The following SEPTIN7 variants were observed in gnomAD, a reference collection of about 807,000 sequenced individuals.
The protein encoded by SEPTIN7 is septin-7.
SEPTIN7 carries 10 observed loss-of-function variants against 63.3 expected under a neutral mutation model. The observed-to-expected ratio is 0.16, with a 90% CI of 0.10 to 0.27. SEPTIN7 has a LOEUF of 0.27. Among genes scored for constraint, SEPTIN7 ranks in the 10% least tolerant of loss-of-function variants. The probability of loss-of-function intolerance (pLI) is 1.00; values close to 1 mark genes in which losing one functional copy is unlikely to be tolerated. For synonymous variants in SEPTIN7, 131 were observed against 165.3 expected (o/e 0.79, Z 1.59); for missense variants, 310 against 521.0 (o/e 0.59, Z 3.94).
chr7:35,832,061 T>C (rs1288679678), intron 2 of SEPTIN7: 1 of 453,150 alleles, frequency 2.2e-6, no homozygotes, highest in South Asian at 1.6e-5. Flanking sequence ...ACTTATTTAC[T>C]ACACCAATTT....
At chr7:35,830,142 C>A (rs1783758993) in intron 1 of SEPTIN7, among the ~76,000 whole-genome samples, 1 of 151,552 alleles carries the variant, frequency 6.6e-6, no homozygotes, top group Non-Finnish European at 1.5e-5. Flanking sequence ...GAGATCGCGC[C>A]ACTGCCCCCC....
intron 11 of SEPTIN7, among the ~76,000 whole-genome samples, chr7:35,895,322 A>C (rs1048223160): frequency 2.0e-5 from 3 of 152,190 alleles, no homozygotes; most frequent in African/African-American, 7.2e-5. Flanking sequence ...TGTTAATATA[A>C]AAATTAAAAA....
chr7:35,867,234 A>G (rs1299696587), intron 4 of SEPTIN7, among the ~76,000 whole-genome samples: 1 of 152,240 alleles, frequency 6.6e-6, no homozygotes, highest in Non-Finnish European at 1.5e-5. Flanking sequence ...ATGTTTCAGT[A>G]TCAAATATAG....
At chr7:35,907,723 G>C (rs1383618922), downstream of SEPTIN7, among the ~76,000 whole-genome samples, 1 of 152,192 alleles carries the variant, frequency 6.6e-6, no homozygotes, top group Non-Finnish European at 1.5e-5. Flanking sequence ...CTGATTAAGA[G>C]GGGCAGCTGG....
intron 3 of SEPTIN7, chr7:35,846,956 A>G (rs1784702129): frequency 6.6e-6 from 1 of 152,628 alleles, no homozygotes; most frequent in South Asian, 2.1e-4. Context: ...TGACATTTAA[A>G]GGAGATTTCT....
In SEPTIN7 at chr7:35,902,929, C is replaced by G. The variant is rs1434325863; in HGVS notation, c.1135-147C>G. 8.0e-5 allele frequency: 97 copies of G among 1,216,174 alleles called. No individual in the cohort carries two copies. The South Asian group carries it at 2.7e-3, about 34-fold the overall frequency. 75.3% of individuals were successfully genotyped at this position (1,216,174 alleles called of 1,614,324 possible). A position where few individuals can be genotyped will look rare whatever the true frequency, so the allele number is the denominator to read the frequency against. ...TCCTAAAGGAGGAGGAGTCCTTGAC[C>G]AGAGTACTTCCAGGTAGTACTCTGA... On this transcript the variant is annotated intron_variant, in intron 12 of 13. Coordinates refer to ENST00000350320, the MANE Select transcript of SEPTIN7 (RefSeq NM_001788.6).
At chr7:35,890,563 T>G in intron 10 of SEPTIN7, 105 bp from the exon 11 acceptor site, 1 of 1,008,286 alleles carries the variant, frequency 9.9e-7, no homozygotes, top group South Asian at 3.7e-5. Context: ...ATTTTAAATC[T>G]GAAATTTTTG....
At chr7:35,864,514 T>C (rs1184064056) in intron 4 of SEPTIN7, among the ~76,000 whole-genome samples, 1 of 152,114 alleles carries the variant, frequency 6.6e-6, no homozygotes, top group East Asian at 1.9e-4. Flanking sequence ...GTTCTGCAAA[T>C]ATAAAATATA....
At chr7:35,915,662 C>A in the SEPTIN7 span, among the ~76,000 whole-genome samples, 1 of 152,234 alleles carries the variant, frequency 6.6e-6, no homozygotes, top group Non-Finnish European at 1.5e-5. Context: ...GCTTCCTGTC[C>A]TGGCCATCCA....
chr7:35,913,544 TTTCC>T, the SEPTIN7 span, among the ~76,000 whole-genome samples: 374 of 148,600 alleles, frequency 2.5e-3, 2 homozygotes, highest in Admixed American at 4.0e-3. Context: ...TCCTTCCTTC[TTTCC>T]TTCCTTCCTT....
chr7:35,836,251 T>C (rs1478596882), intron 3 of SEPTIN7, among the ~76,000 whole-genome samples: 1 of 152,216 alleles, frequency 6.6e-6, no homozygotes, highest in Non-Finnish European at 1.5e-5. Context: ...CTAATTAGAC[T>C]TAACTGTGAT....
At chr7:35,808,064 G>C (rs1049591543) in intron 1 of SEPTIN7, among the ~76,000 whole-genome samples, 38 of 152,052 alleles carry the variant, frequency 2.5e-4, no homozygotes, top group Non-Finnish European at 1.8e-4. Flanking sequence ...TGATCTGCCT[G>C]CCTTGGCTTC....
intron 1 of SEPTIN7, among the ~76,000 whole-genome samples, chr7:35,805,806 T>C (rs1788295222): frequency 6.6e-6 from 1 of 152,202 alleles, no homozygotes; most frequent in East Asian, 1.9e-4. Context: ...TTCTTCCTCC[T>C]TCCCCACTGA....
intron 3 of SEPTIN7, among the ~76,000 whole-genome samples, chr7:35,834,332 A>G (rs1365051461): frequency 6.6e-6 from 1 of 151,998 alleles, no homozygotes; most frequent in East Asian, 1.9e-4. Flanking sequence ...ACTTAGTAGG[A>G]TAATGTCTGG....
At chr7:35,806,767 C>T (rs1183658113) in intron 1 of SEPTIN7, among the ~76,000 whole-genome samples, 1 of 152,168 alleles carries the variant, frequency 6.6e-6, no homozygotes, top group African/African-American at 2.4e-5. Flanking sequence ...TTAGTTGACT[C>T]ATTTAAAGTG....
At chr7:35,890,194 C>T (rs1272273577) in intron 10 of SEPTIN7, among the ~76,000 whole-genome samples, 2 of 152,226 alleles carry the variant, frequency 1.3e-5, no homozygotes, top group African/African-American at 4.8e-5. Flanking sequence ...CAGAAAATTA[C>T]TCTAAAATTT....
intron 3 of SEPTIN7, among the ~76,000 whole-genome samples, chr7:35,850,539 C>T (rs1207677273): frequency 1.3e-5 from 2 of 152,120 alleles, no homozygotes; most frequent in African/African-American, 2.4e-5. Flanking sequence ...TATACAATTG[C>T]TATAAAATGG....
the SEPTIN7 span, among the ~76,000 whole-genome samples, chr7:35,914,659 CTA>C: frequency 1.3e-4 from 7 of 54,232 alleles, no homozygotes; most frequent in African/African-American, 2.6e-4. Flanking sequence ...CTCTCTCTCT[CTA>C]TATATATATA....
chr7:35,822,050 C>T (rs1325783818), intron 1 of SEPTIN7, among the ~76,000 whole-genome samples: 2 of 152,182 alleles, frequency 1.3e-5, no homozygotes, highest in African/African-American at 4.8e-5. Flanking sequence ...GCTGGGATTA[C>T]AGGCGTGAGC....
Sources: allele counts gnomAD v4.1 joint callset (sites outside exome capture counted in the v4.1 genomes callset), GRCh38; gene constraint gnomAD v4.1.1; transcripts MANE v1.5; gene names NCBI Gene and HGNC (gene_info 2026-07-23, HGNC 2026-07-21).